Variants in EXOC4 observed in about 807,000 individuals in gnomAD.
EXOC4 encodes SEC8-like 1.
A neutral mutation model predicts 107.2 loss-of-function variants in EXOC4; 71 were observed. The ratio of observed to expected loss-of-function variants is 0.66; its 90% CI spans 0.55 to 0.81. The LOEUF is 0.81. Among genes scored for constraint, EXOC4 ranks in the 30% least tolerant of loss-of-function variants. EXOC4 has a pLI of 0.00. For synonymous variants in EXOC4, 456 were observed against 441.2 expected (o/e 1.03, Z -0.42); for missense variants, 1,108 against 1,189.6 (o/e 0.93, Z 1.01).
At chr7:133,282,985 GA>G (rs1235457757) in intron 2 of EXOC4, among the ~76,000 whole-genome samples, 3 of 152,150 alleles carry the variant, frequency 2.0e-5, no homozygotes, top group African/African-American at 7.2e-5. Flanking sequence ...ATGCTTCTAT[GA>G]GTTTGACTTT....
chr7:133,902,354 C>T (rs911998886), intron 12 of EXOC4, among the ~76,000 whole-genome samples: 1 of 152,168 alleles, frequency 6.6e-6, no homozygotes, highest in African/African-American at 2.4e-5. Flanking sequence ...TTAACAAACA[C>T]AGTGGATCAC....
At chr7:133,825,439 A>G (rs893967234) in intron 11 of EXOC4, among the ~76,000 whole-genome samples, 6 of 152,168 alleles carry the variant, frequency 3.9e-5, no homozygotes, top group African/African-American at 1.2e-4. Context: ...CTAGATGTCA[A>G]CAAGGTTCAA....
chr7:133,478,202 T>A (rs1799065706), intron 8 of EXOC4, among the ~76,000 whole-genome samples: 1 of 151,870 alleles, frequency 6.6e-6, no homozygotes, highest in South Asian at 2.1e-4. Context: ...AAAACAGGCT[T>A]TAGGGTTTAA....
chr7:133,603,462 A>G (rs1357291481), intron 9 of EXOC4, among the ~76,000 whole-genome samples: 1 of 152,192 alleles, frequency 6.6e-6, no homozygotes, highest in Non-Finnish European at 1.5e-5. Flanking sequence ...TACTTCCACA[A>G]ACATGGATGG....
chr7:133,729,041 C>T (rs4601256), intron 10 of EXOC4, among the ~76,000 whole-genome samples: 82,423 of 151,984 alleles, frequency 0.54, 22,898 homozygotes, highest in East Asian at 0.68. Flanking sequence ...ATCTCTCTTC[C>T]ACAAAACAGT....
chr7:134,084,754 AC>A, the EXOC4 span, among the ~76,000 whole-genome samples: 1 of 150,142 alleles, frequency 6.7e-6, no homozygotes, highest in African/African-American at 2.5e-5. Context: ...CAGCCTCCCC[AC>A]CCCCTTAATT....
At chr7:133,673,646 T>C (rs1021833538) in intron 10 of EXOC4, among the ~76,000 whole-genome samples, 2 of 152,234 alleles carry the variant, frequency 1.3e-5, no homozygotes, top group East Asian at 1.9e-4. Flanking sequence ...GTATTTGATA[T>C]ACTGTTTCCT....
At chr7:134,052,511 A>T (rs1341052807) in intron 17 of EXOC4, among the ~76,000 whole-genome samples, 1 of 151,904 alleles carries the variant, frequency 6.6e-6, no homozygotes, top group Admixed American at 6.6e-5. Context: ...AGCATGGAGG[A>T]TGTGATACCT....
At chr7:133,489,631 G>A (rs1799334060) in intron 9 of EXOC4, among the ~76,000 whole-genome samples, 1 of 152,174 alleles carries the variant, frequency 6.6e-6, no homozygotes, top group Admixed American at 6.5e-5. Flanking sequence ...ATTGGAGTCA[G>A]CAGCGATTAT....
chr7:134,002,853 CT>C (rs767294333), intron 15 of EXOC4, among the ~76,000 whole-genome samples: 1 of 151,772 alleles, frequency 6.6e-6, no homozygotes, highest in Non-Finnish European at 1.5e-5. Flanking sequence ...ACAACTGGAA[CT>C]TTTGTATACT....
chr7:134,016,841 A>C (rs1458906468), intron 17 of EXOC4, among the ~76,000 whole-genome samples: 1 of 152,210 alleles, frequency 6.6e-6, no homozygotes, highest in Non-Finnish European at 1.5e-5. Context: ...GTTTGATAGA[A>C]GGGGATTAGC....
At chr7:133,860,291 C>T (rs573732499) in intron 11 of EXOC4, among the ~76,000 whole-genome samples, 2 of 152,318 alleles carry the variant, frequency 1.3e-5, no homozygotes, top group Admixed American at 6.5e-5. Context: ...TGGCTAATGT[C>T]GGACAGCTCG....
intron 7 of EXOC4, among the ~76,000 whole-genome samples, chr7:133,461,764 T>A (rs1006483711): frequency 3.3e-5 from 5 of 152,230 alleles, no homozygotes; most frequent in Admixed American, 2.0e-4. Flanking sequence ...TCTGTGAATG[T>A]GAAACAGCAA....
rs936656574 is a variant in EXOC4 at position 133,695,919 on chromosome 7, G to A, written c.1514+65778G>A. Among the ~76,000 whole-genome samples, 4 of 152,176 alleles carry A rather than the reference G, an allele frequency of 2.6e-5. No individual in the cohort carries two copies. The South Asian group carries it at 6.2e-4, about 24-fold the overall frequency. ...ATACTGAAACACAACTGTATGTGGG[G>A]ATTGCTTGAAATAATGTTTTATTAT... is the stretch of plus-strand genomic sequence containing the variant. On this transcript the variant is annotated intron_variant, in intron 10 of 17. Transcript: ENST00000253861.
intron 5 of EXOC4, among the ~76,000 whole-genome samples, chr7:133,326,977 G>A (rs180982171): frequency 1.3e-3 from 205 of 152,334 alleles, no homozygotes; most frequent in Non-Finnish European, 2.2e-3. Flanking sequence ...AGCAATGAGT[G>A]AGGCTCCATG....
rs1800072590 is a variant in EXOC4 at position 133,526,051 on chromosome 7, AT to A, written c.1417+45915del. On this transcript the variant is annotated intron_variant, in intron 9 of 17. Transcript: ENST00000253861. ...TCCTAAAGGGCTGAGTTCCCCAAAC[AT>A]TAGTGACAAGGCCTATAGTGCTGCT... Among the ~76,000 whole-genome samples, 3 of 152,302 alleles carry A rather than the reference AT, an allele frequency of 2.0e-5. No homozygotes were observed. In the South Asian group the frequency reaches 6.2e-4, roughly 32 times the overall value.
At chr7:133,853,393 CA>C (rs1350697143) in intron 11 of EXOC4, among the ~76,000 whole-genome samples, 9 of 126,254 alleles carry the variant, frequency 7.1e-5, no homozygotes, top group Admixed American at 2.3e-4. Flanking sequence ...CACACACACA[CA>C]CACAACTTTT....
At chr7:133,479,230 C>T (rs1799095090) in intron 8 of EXOC4, 1 of 152,090 alleles carries the variant, frequency 6.6e-6, no homozygotes, top group African/African-American at 2.4e-5. Context: ...TTTGATATGT[C>T]ATAATTTTAT....
At chr7:134,034,807 C>G (rs761924341) in intron 17 of EXOC4, among the ~76,000 whole-genome samples, 14 of 152,168 alleles carry the variant, frequency 9.2e-5, no homozygotes, top group Admixed American at 1.3e-4. Context: ...CTTAGCATCA[C>G]TGGCCAAGCA....
Sources: allele counts gnomAD v4.1 joint callset (sites outside exome capture counted in the v4.1 genomes callset), GRCh38; gene constraint gnomAD v4.1.1; transcripts MANE v1.5; gene names NCBI Gene and HGNC (gene_info 2026-07-23, HGNC 2026-07-21).